Variants in ABI3BP observed in about 807,000 individuals in gnomAD.
ABI3BP encodes the protein target of Nesh-SH3.
Under a neutral mutation model 268.6 loss-of-function variants are expected in ABI3BP, and 216 were observed. The observed-to-expected ratio is 0.80, with a 90% CI of 0.72 to 0.90. The LOEUF (loss-of-function observed/expected upper bound fraction) is 0.90. ABI3BP is among the 40% of genes least tolerant of loss of function. The pLI is 0.00. For missense variants in ABI3BP, 2,090 were observed against 2,182.4 expected (o/e 0.96, Z 0.84); for synonymous variants, 730 against 730.0 (o/e 1.00, Z 0.00).
At chr3:100,768,660 T>C (rs2096422264) in intron 62 of ABI3BP, among the ~76,000 whole-genome samples, 1 of 152,232 alleles carries the variant, frequency 6.6e-6, no homozygotes, top group African/African-American at 2.4e-5. Context: ...TATTCAAATA[T>C]CTTATTTTTC....
At chr3:100,958,943 C>T (rs1164309218) in intron 1 of ABI3BP, among the ~76,000 whole-genome samples, 5 of 152,120 alleles carry the variant, frequency 3.3e-5, no homozygotes, top group East Asian at 1.9e-4. Flanking sequence ...GAATGCCTCC[C>T]ATGGACATTC....
intron 63 of ABI3BP, among the ~76,000 whole-genome samples, chr3:100,759,387 A>T (rs1288283195): frequency 6.6e-6 from 1 of 152,194 alleles, no homozygotes; most frequent in African/African-American, 2.4e-5. Context: ...TACCTGCCAC[A>T]TGTAAAGTTA....
chr3:100,831,938 G>A (rs1560561631), intron 31 of ABI3BP, among the ~76,000 whole-genome samples: 2 of 152,188 alleles, frequency 1.3e-5, no homozygotes, highest in African/African-American at 2.4e-5. Flanking sequence ...CACTTCTGAT[G>A]TATGGACTAA....
At chr3:100,945,269 C>T (rs777565993) in intron 1 of ABI3BP, among the ~76,000 whole-genome samples, 15 of 152,148 alleles carry the variant, frequency 9.9e-5, no homozygotes, top group African/African-American at 2.2e-4. Context: ...AATATTTTCA[C>T]GAGCATATGG....
intron 51 of ABI3BP, among the ~76,000 whole-genome samples, chr3:100,801,945 A>G (rs374585660): frequency 2.6e-5 from 4 of 152,322 alleles, no homozygotes; most frequent in African/African-American, 9.6e-5. Context: ...TTCTAAGACT[A>G]TATCAGAAAA....
chr3:100,893,060 G>A (rs1369081104), intron 4 of ABI3BP, among the ~76,000 whole-genome samples: 2 of 152,174 alleles, frequency 1.3e-5, no homozygotes, highest in African/African-American at 2.4e-5. Context: ...TCAGCTGACA[G>A]CATAGCTAGG....
intron 11 of ABI3BP, 187 bp downstream of exon 11, chr3:100,864,646 T>C (rs891987088): frequency 2.0e-5 from 11 of 558,680 alleles, no homozygotes; most frequent in South Asian, 1.2e-4. Context: ...GGATCAGCCA[T>C]GTGGTTAACT....
At position 100,751,561 on chromosome 3, in the gene ABI3BP, T is replaced by C; in HGVS notation, c.5236A>G (p.Ile1746Val). 6.3e-7 allele frequency: 1 copy of C among 1,589,896 alleles called. No individual in the cohort carries two copies. The highest frequency in any genetic ancestry group is 8.6e-7 in the Non-Finnish European group (1 of 1,166,790). Residue 1746 changes from isoleucine (I) to valine (V), a missense_variant, in exon 67 of 68, where the codon ATC becomes GTC. Ile to Val is a conservative substitution (Grantham distance 29). Coordinates refer to ENST00000471714, the MANE Select transcript of ABI3BP (RefSeq NM_001375547.2). Reference sequence around the variant, plus strand: ...GGATCAGAAAACATACCTTCTTTGATTGGTAACTGGTCAGAAGTGAGTTGC... The same window carrying C: ...GGATCAGAAAACATACCTTCTTTGACTGGTAACTGGTCAGAAGTGAGTTGC... ...GQQLTSDQLP[I>V]KEGYFRAVRQ...
At position 100,875,596 on chromosome 3, in the gene ABI3BP, A is replaced by C; in HGVS notation, c.746-17T>G. ...TCTGAATCACTGTTGAAATACAAAA[A>C]GACAGTGTGAGGGGGTGGGAAATAG... On this transcript the variant is annotated splice_polypyrimidine_tract_variant and intron_variant, in intron 7 of 67. Transcript: ENST00000471714. 1 of 1,585,966 alleles carries C rather than the reference A, an allele frequency of 6.3e-7. No homozygotes were observed. Among genetic ancestry groups the C allele is most frequent in the Non-Finnish European group, 8.7e-7 (1 of 1,154,408 alleles).
chr3:100,867,640 CAAAAAA>C (rs5851230), intron 9 of ABI3BP, among the ~76,000 whole-genome samples: 3 of 64,226 alleles, frequency 4.7e-5, no homozygotes, highest in Middle Eastern at 0.011. Flanking sequence ...GACCCCGTCT[CAAAAAA>C]AAAAAAAAAA....
chr3:100,948,118 G>A (rs1460244086), intron 1 of ABI3BP, among the ~76,000 whole-genome samples: 1 of 152,164 alleles, frequency 6.6e-6, no homozygotes, highest in Admixed American at 6.6e-5. Context: ...GGGTTAAGGA[G>A]TATGCAGGGA....
At chr3:100,894,436 A>C (rs1347062097) in intron 4 of ABI3BP, among the ~76,000 whole-genome samples, 2 of 151,998 alleles carry the variant, frequency 1.3e-5, no homozygotes, top group Non-Finnish European at 2.9e-5. Flanking sequence ...TCTTCGGGGG[A>C]CCAGGAAGTA....
At chr3:100,902,837 C>T (rs760769399) in intron 2 of ABI3BP, 151 bp from the exon 3 acceptor site, 3 of 179,186 alleles carry the variant, frequency 1.7e-5, no homozygotes, top group Non-Finnish European at 3.2e-5. Context: ...AAAGTTGACA[C>T]TTCCTGAGAA....
At chr3:100,799,436 A>C (rs1316623303) in intron 51 of ABI3BP, among the ~76,000 whole-genome samples, 1 of 152,164 alleles carries the variant, frequency 6.6e-6, no homozygotes, top group African/African-American at 2.4e-5. Flanking sequence ...CACTGAATAC[A>C]TATTAATGTT....
intron 1 of ABI3BP, among the ~76,000 whole-genome samples, chr3:100,958,744 T>C (rs1388086201): frequency 6.6e-6 from 1 of 152,228 alleles, no homozygotes; most frequent in East Asian, 1.9e-4. Context: ...CTGGATGCTA[T>C]AGAAGCTAGT....
chr3:100,798,782 G>A (rs1444754509), intron 51 of ABI3BP, among the ~76,000 whole-genome samples: 1 of 152,132 alleles, frequency 6.6e-6, no homozygotes. Context: ...TATGAAGTCT[G>A]CAATAAGGTT....
intron 1 of ABI3BP, among the ~76,000 whole-genome samples, chr3:100,967,640 A>G (rs2081889771): frequency 6.6e-6 from 1 of 152,190 alleles, no homozygotes; most frequent in Non-Finnish European, 1.5e-5. Context: ...TTCCAATTTT[A>G]TGGTGATTTG....
rs1560295461 is a variant in ABI3BP, at chr3:100,808,214, G to T, written c.3629C>A (p.Ala1210Asp). The T allele has an allele frequency of 2.5e-6, 4 of 1,611,088 alleles. No homozygotes were observed. Among genetic ancestry groups the T allele is most frequent in the African/African-American group, 2.7e-5 (2 of 74,838 alleles). ...TGGTGATGTTTTTGGCTTAGGAGGA[G>T]CACGTGGTGTCTGCTTGGGAGCTAA... is the stretch of plus-strand genomic sequence containing the variant. ...TEPAPKQTPR[A>D]PPKPKTSPRP... Residue 1210 changes from alanine (A) to aspartate (D), a missense_variant, in exon 50 of 68, where the codon GCT (alanine) becomes GAT (aspartate). Transcript: ENST00000471714.
At chr3:100,763,312 A>C (rs558966332) in intron 63 of ABI3BP, among the ~76,000 whole-genome samples, 2 of 151,988 alleles carry the variant, frequency 1.3e-5, no homozygotes, top group African/African-American at 4.8e-5. Flanking sequence ...AATACAAAAA[A>C]AGTAGCCGGG....
Sources: allele counts gnomAD v4.1 joint callset (sites outside exome capture counted in the v4.1 genomes callset), GRCh38; gene constraint gnomAD v4.1.1; transcripts MANE v1.5; gene names NCBI Gene and HGNC (gene_info 2026-07-23, HGNC 2026-07-21).